The following ATP2B2 variants were observed in gnomAD, a reference collection of about 807,000 sequenced individuals.
ATP2B2 encodes the protein ATPase plasma membrane Ca2+ transporting 2.
In ATP2B2, 15 loss-of-function variants were observed where a neutral mutation model predicts 120.0. That is an observed-to-expected ratio of 0.12 (90% confidence interval 0.08 to 0.19). The LOEUF (loss-of-function observed/expected upper bound fraction) is 0.19, where lower values mean the gene tolerates loss of function less well. ATP2B2 is among the 10% of genes least tolerant of loss of function. ATP2B2 has a pLI of 1.00. For synonymous variants in ATP2B2, 694 were observed against 700.3 expected (o/e 0.99, Z 0.14); for missense variants, 1,045 against 1,719.8 (o/e 0.61, Z 6.94).
intron 3 of ATP2B2, among the ~76,000 whole-genome samples, chr3:10,410,159 TA>T (rs1414588706): frequency 6.6e-6 from 1 of 152,186 alleles, no homozygotes; most frequent in East Asian, 1.9e-4. Flanking sequence ...TTATATTTTT[TA>T]TTTCCATAGG....
chr3:10,501,574 TGCCCTTGGAGCATG>T (rs371240368), intron 1 of ATP2B2, among the ~76,000 whole-genome samples: 145 of 152,110 alleles, frequency 9.5e-4, no homozygotes, highest in African/African-American at 3.3e-3. Flanking sequence ...TCTTGGAGAG[TGCCCTTGGAGCATG>T]GCTCCCAGCT....
intron 12 of ATP2B2, among the ~76,000 whole-genome samples, chr3:10,371,164 A>C (rs1490989113): frequency 6.6e-6 from 1 of 152,186 alleles, no homozygotes; most frequent in Non-Finnish European, 1.5e-5. Flanking sequence ...TGGCCAAGAG[A>C]ATGCAGCAAA....
chr3:10,343,532 C>T lies in ATP2B2; in HGVS notation c.2704-567G>A, dbSNP rs200228983. On this transcript the variant is annotated intron_variant, in intron 18 of 22. Coordinates refer to ENST00000360273, the MANE Select transcript of ATP2B2 (RefSeq NM_001001331.4). The surrounding 1 kb of genome is among the most constrained non-coding windows in gnomAD (Gnocchi z 4.2). ...TGAGGAATAGCAAAAGCAACTAAAA[C>T]TGTCAAGGACCTCACCACTTTTAGG... Among the ~76,000 whole-genome samples the T allele has an allele frequency of 6.6e-6, 1 of 152,118 alleles. No homozygotes were observed. Among genetic ancestry groups the T allele is most frequent in the African/African-American group, 2.4e-5 (1 of 41,376 alleles).
intron 3 of ATP2B2, among the ~76,000 whole-genome samples, chr3:10,531,266 A>T (rs1484512684): frequency 6.6e-6 from 1 of 152,234 alleles, no homozygotes; most frequent in Non-Finnish European, 1.5e-5. Flanking sequence ...TCCCATCGAC[A>T]GTGAGCCAGT....
chr3:10,489,909 C>A (rs1382132474), intron 1 of ATP2B2, among the ~76,000 whole-genome samples: 1 of 152,258 alleles, frequency 6.6e-6, no homozygotes, highest in African/African-American at 2.4e-5. Flanking sequence ...GCCGGGCCAC[C>A]TCTCCTGCCA....
chr3:10,577,226 A>G (rs1369721212), intron 2 of ATP2B2, among the ~76,000 whole-genome samples: 1 of 152,128 alleles, frequency 6.6e-6, no homozygotes, highest in African/African-American at 2.4e-5. Flanking sequence ...TTAGGACTTG[A>G]GAATCACTAG....
intron 2 of ATP2B2, among the ~76,000 whole-genome samples, chr3:10,421,400 T>C (rs1289763718): frequency 1.3e-5 from 2 of 152,170 alleles, no homozygotes; most frequent in East Asian, 3.9e-4. Context: ...TCACAACCTC[T>C]CTTCCTGCAG....
rs1575089574 is a variant in ATP2B2, at chr3:10,388,092, C to T, written c.907+185G>A. The T allele has an allele frequency of 5.1e-6, 4 of 789,110 alleles. No homozygotes were observed. In the East Asian group the frequency reaches 8.6e-5, roughly 17 times the overall value. 48.9% of individuals were successfully genotyped at this position (789,110 alleles called of 1,614,324 possible). On this transcript the variant is annotated intron_variant, in intron 6 of 22. Transcript: ENST00000360273. ...GGACAAGACAGAGACTGGGACAAGA[C>T]CTGGAGATGGAACAGACAGAGCCTA...
chr3:10,565,841 C>T (rs958970645), intron 2 of ATP2B2, among the ~76,000 whole-genome samples: 4 of 152,228 alleles, frequency 2.6e-5, no homozygotes, highest in Admixed American at 2.6e-4. Context: ...CCCAGTCCTT[C>T]TTACTAGCTG....
At chr3:10,675,535 GC>G (rs1339652520) in intron 1 of ATP2B2, among the ~76,000 whole-genome samples, 1 of 152,088 alleles carries the variant, frequency 6.6e-6, no homozygotes, top group Non-Finnish European at 1.5e-5. Context: ...CAGTCCTGGC[GC>G]CCCCATCAAC....
chr3:10,628,368 G>A (rs911683447), intron 1 of ATP2B2, among the ~76,000 whole-genome samples: 38 of 152,220 alleles, frequency 2.5e-4, no homozygotes, highest in African/African-American at 7.0e-4. Context: ...AGACTGGGTG[G>A]TGGACACAGA....
At chr3:10,690,439 T>G (rs1028649549) in intron 1 of ATP2B2, among the ~76,000 whole-genome samples, 2 of 147,144 alleles carry the variant, frequency 1.4e-5, no homozygotes, top group East Asian at 2.0e-4. Flanking sequence ...TCTATATCTA[T>G]CTATCTATCT....
intron 2 of ATP2B2, among the ~76,000 whole-genome samples, chr3:10,569,811 G>T (rs533412530): frequency 3.3e-5 from 5 of 152,290 alleles, no homozygotes; most frequent in African/African-American, 1.2e-4. Context: ...ACTAAAGCTA[G>T]GTTCACAGCA....
intron 2 of ATP2B2, chr3:10,566,339 T>A (rs2068008895): frequency 1.3e-5 from 2 of 152,246 alleles, no homozygotes. Flanking sequence ...TTTGTTTCTA[T>A]CCACTGTGCT....
intron 1 of ATP2B2, among the ~76,000 whole-genome samples, chr3:10,692,723 C>T (rs1353978590): frequency 6.6e-6 from 1 of 152,208 alleles, no homozygotes; most frequent in African/African-American, 2.4e-5. Flanking sequence ...TCCCAACTAG[C>T]CTGCAAGTTT....
At chr3:10,526,634 T>C (rs1334078835) in intron 3 of ATP2B2, among the ~76,000 whole-genome samples, 1 of 151,976 alleles carries the variant, frequency 6.6e-6, no homozygotes, top group Non-Finnish European at 1.5e-5. Flanking sequence ...CCAGAACCAA[T>C]GAAGTCAGCG....
intron 5 of ATP2B2, among the ~76,000 whole-genome samples, chr3:10,394,142 G>A (rs2061951068): frequency 6.6e-6 from 1 of 152,074 alleles, no homozygotes; most frequent in African/African-American, 2.4e-5. Context: ...GGAGAGGGGA[G>A]AGTTCATCTC....
rs148750370 is a variant in ATP2B2, at chr3:10,433,927, TGAA to T, written c.199+15415_199+15417del. ...TTTTTCTGGACCCCTGGAAGCTTTG[TGAA>T]GAAGAATATCTTTGTTGGTTTTGCT... is the stretch of plus-strand genomic sequence containing the variant. On this transcript the variant is annotated intron_variant, in intron 2 of 22. Coordinates refer to ENST00000360273, the MANE Select transcript of ATP2B2 (RefSeq NM_001001331.4). 2.6e-3 allele frequency among the ~76,000 whole-genome samples: 393 copies of T among 152,296 alleles called. 13 individuals carry two copies. The South Asian group carries it at 0.063, about 24-fold the overall frequency.
intron 1 of ATP2B2, among the ~76,000 whole-genome samples, chr3:10,679,271 G>A (rs1387562281): frequency 1.3e-5 from 2 of 152,192 alleles, no homozygotes; most frequent in Non-Finnish European, 2.9e-5. Flanking sequence ...TAAGTTTGTG[G>A]TAAGTTGTTA....
Sources: allele counts gnomAD v4.1 joint callset (sites outside exome capture counted in the v4.1 genomes callset), GRCh38; gene constraint gnomAD v4.1.1; non-coding constraint Gnocchi (gnomAD v3.1); transcripts MANE v1.5; gene names NCBI Gene and HGNC (gene_info 2026-07-23, HGNC 2026-07-21).